The following NXPH1 variants were observed in gnomAD, a reference collection of about 807,000 sequenced individuals.
The protein encoded by NXPH1 is neurexophilin-1.
In NXPH1, 5 loss-of-function variants were observed where a neutral mutation model predicts 23.7. The ratio of observed to expected loss-of-function variants is 0.21; its 90% CI spans 0.11 to 0.44. NXPH1 has a LOEUF of 0.44. NXPH1 is among the 20% of genes least tolerant of loss of function. The pLI is 0.99. For missense variants in NXPH1, 324 were observed against 321.6 expected (o/e 1.01, Z -0.06); for synonymous variants, 144 against 122.2 (o/e 1.18, Z -1.18).
At chr7:8,625,541 T>C (rs1035066373) in intron 2 of NXPH1, among the ~76,000 whole-genome samples, 22 of 152,180 alleles carry the variant, frequency 1.4e-4, no homozygotes, top group African/African-American at 5.3e-4. Flanking sequence ...AAAGAAATGC[T>C]GTGGAACACA....
intron 2 of NXPH1, among the ~76,000 whole-genome samples, chr7:8,624,971 T>G (rs535822208): frequency 2.5e-4 from 38 of 152,232 alleles, no homozygotes; most frequent in Admixed American, 7.2e-4. Flanking sequence ...GTAGGCTAAG[T>G]GATGTCCAAC....
intron 2 of NXPH1, among the ~76,000 whole-genome samples, chr7:8,678,228 T>C (rs1433462049): frequency 6.6e-6 from 1 of 152,168 alleles, no homozygotes; most frequent in Non-Finnish European, 1.5e-5. Context: ...ACTCACCAAG[T>C]TATGGGTTCA....
chr7:8,725,996 T>C (rs900950360), intron 2 of NXPH1, among the ~76,000 whole-genome samples: 10 of 152,216 alleles, frequency 6.6e-5, no homozygotes, highest in African/African-American at 2.4e-4. Flanking sequence ...AACGCTTCCT[T>C]CTAACAAAAG....
At chr7:8,609,120 C>T (rs10230181) in intron 2 of NXPH1, among the ~76,000 whole-genome samples, 4,678 of 152,156 alleles carry the variant, frequency 0.031, 150 homozygotes, top group African/African-American at 0.082. Flanking sequence ...GTGCATAATT[C>T]ATATATTATT....
chr7:8,437,927 G>A (rs1253957126), intron 2 of NXPH1, among the ~76,000 whole-genome samples: 1 of 152,344 alleles, frequency 6.6e-6, no homozygotes, highest in East Asian at 1.9e-4. Flanking sequence ...CTATTTAGAA[G>A]TCCGTTCTTT....
chr7:8,682,985 T>G (rs1233347236), intron 2 of NXPH1, among the ~76,000 whole-genome samples: 1 of 152,230 alleles, frequency 6.6e-6, no homozygotes, highest in Non-Finnish European at 1.5e-5. Context: ...TAGCTGGGTA[T>G]ATTTTTCTGT....
At chr7:8,586,663 C>A (rs1012825124) in intron 2 of NXPH1, among the ~76,000 whole-genome samples, 8 of 149,830 alleles carry the variant, frequency 5.3e-5, no homozygotes, top group Admixed American at 1.3e-4. Flanking sequence ...ACACACACAT[C>A]GAGTAGAAAC....
chr7:8,482,021 T>C (rs1817081813), intron 2 of NXPH1, among the ~76,000 whole-genome samples: 1 of 152,176 alleles, frequency 6.6e-6, no homozygotes, highest in Admixed American at 6.5e-5. Flanking sequence ...TGGAGCTTCC[T>C]CTAAGACTGA....
intron 2 of NXPH1, among the ~76,000 whole-genome samples, chr7:8,628,538 A>G (rs2115132312): frequency 6.6e-6 from 1 of 152,094 alleles, no homozygotes; most frequent in South Asian, 2.1e-4. Context: ...TTACAAGTTA[A>G]ACTAGAACTC....
chr7:8,746,308 T>G (rs1780469217), intron 2 of NXPH1, among the ~76,000 whole-genome samples: 1 of 152,194 alleles, frequency 6.6e-6, no homozygotes, highest in African/African-American at 2.4e-5. Context: ...ACTGAGGGAA[T>G]AAGAATATTT....
chr7:8,499,988 G>T (rs1002477382), intron 2 of NXPH1, among the ~76,000 whole-genome samples: 25 of 152,186 alleles, frequency 1.6e-4, no homozygotes, highest in African/African-American at 5.8e-4. Flanking sequence ...GTTTTGTATG[G>T]ATTCTGTGTA....
In NXPH1 at chr7:8,435,005, A is replaced by G. The variant is rs1386535360; in HGVS notation, c.-111+250A>G. 1 of 152,378 alleles carries G rather than the reference A, an allele frequency of 6.6e-6. No homozygotes were observed. Among genetic ancestry groups the G allele is most frequent in the Non-Finnish European group, 1.5e-5 (1 of 68,276 alleles). The allele number at this position is 152,378 out of a possible 1,614,324, so 9.4% of individuals were successfully genotyped here. A position where few individuals can be genotyped will look rare whatever the true frequency, so the allele number is the denominator to read the frequency against. On this transcript the variant is annotated intron_variant, in intron 1 of 2. Coordinates refer to ENST00000405863, the MANE Select transcript of NXPH1 (RefSeq NM_152745.3). The surrounding 1 kb of genome is among the most constrained non-coding windows in gnomAD (Gnocchi z 5.9). ...ATCTCTGTGTGCGCCAGGGGTTCGA[A>G]TGGGTAAACTGATCCCTGCTTTCCT...
chr7:8,621,771 T>C (rs184222481), intron 2 of NXPH1, among the ~76,000 whole-genome samples: 18 of 152,204 alleles, frequency 1.2e-4, no homozygotes, highest in Admixed American at 5.9e-4. Flanking sequence ...AACTCTTTAT[T>C]GAGCACTTAC....
intron 2 of NXPH1, among the ~76,000 whole-genome samples, chr7:8,607,418 T>C (rs1819519367): frequency 6.6e-6 from 1 of 152,140 alleles, no homozygotes; most frequent in African/African-American, 2.4e-5. Flanking sequence ...AAAAAGTCAA[T>C]AAATTCCTGT....
At chr7:8,729,942 T>C (rs1780121113) in intron 2 of NXPH1, among the ~76,000 whole-genome samples, 1 of 143,628 alleles carries the variant, frequency 7.0e-6, no homozygotes, top group Non-Finnish European at 1.5e-5. Context: ...CAGTGGGGTG[T>C]TAAAGTCTCC....
At chr7:8,677,538 A>G (rs1820969918) in intron 2 of NXPH1, among the ~76,000 whole-genome samples, 1 of 152,156 alleles carries the variant, frequency 6.6e-6, no homozygotes, top group East Asian at 1.9e-4. Flanking sequence ...AGAGAGGAAA[A>G]GAGGAACTAT....
chr7:8,453,185 A>T (rs538999200), intron 2 of NXPH1, among the ~76,000 whole-genome samples: 1 of 152,232 alleles, frequency 6.6e-6, no homozygotes, highest in South Asian at 2.1e-4. Context: ...AGGAAGAAAG[A>T]AATACTTGTA....
intron 2 of NXPH1, among the ~76,000 whole-genome samples, chr7:8,643,598 G>A (rs1160482787): frequency 6.6e-6 from 1 of 151,924 alleles, no homozygotes; most frequent in African/African-American, 2.4e-5. Flanking sequence ...TACATGTTCA[G>A]GTTTTATAGT....
At chr7:8,547,025 C>A (rs1202014847) in intron 2 of NXPH1, among the ~76,000 whole-genome samples, 3 of 151,392 alleles carry the variant, frequency 2.0e-5, no homozygotes, top group Non-Finnish European at 4.4e-5. Context: ...TAGGAGTACT[C>A]TTGAACATCC....
Sources: gnomAD v4.1 joint callset for allele counts (sites outside exome capture counted in the v4.1 genomes callset) on GRCh38, gnomAD v4.1.1 for gene constraint, Gnocchi (gnomAD v3.1) non-coding constraint, MANE v1.5 for transcripts, NCBI Gene and HGNC (gene_info 2026-07-23, HGNC 2026-07-21) for gene names.